The following CNTN4 variants were observed in gnomAD, a reference collection of about 807,000 sequenced individuals.
The protein encoded by CNTN4 is contactin 4.
In CNTN4, 77 loss-of-function variants were observed where a neutral mutation model predicts 122.5. The ratio of observed to expected loss-of-function variants is 0.63; its 90% CI spans 0.52 to 0.76. The LOEUF is 0.76. Ranked by LOEUF, CNTN4 falls within the 30% of genes least tolerant of loss-of-function variation. The probability of loss-of-function intolerance (pLI) is 0.00; values close to 1 mark genes in which losing one functional copy is unlikely to be tolerated. For synonymous variants in CNTN4, 512 were observed against 447.0 expected, an observed-to-expected ratio of 1.15 and a Z score of -1.83; for missense variants, 1,256 against 1,259.1, an observed-to-expected ratio of 1.00 and a Z score of 0.04.
chr3:2,330,589 G>T (rs1356915616), intron 2 of CNTN4, among the ~76,000 whole-genome samples: 2 of 133,116 alleles, frequency 1.5e-5, no homozygotes, highest in African/African-American at 5.4e-5. Context: ...GGAAAAGAGG[G>T]TCAGTATCTT....
intron 15 of CNTN4, among the ~76,000 whole-genome samples, chr3:3,030,287 A>C (rs1699052850): frequency 2.0e-5 from 3 of 152,170 alleles, no homozygotes; most frequent in African/African-American, 7.2e-5. Flanking sequence ...TCAAACATGC[A>C]TTTGGCATTT....
chr3:2,971,849 T>G (rs1472630686), intron 13 of CNTN4, among the ~76,000 whole-genome samples: 1 of 152,178 alleles, frequency 6.6e-6, no homozygotes, highest in Non-Finnish European at 1.5e-5. Flanking sequence ...CATTTGCAAA[T>G]TAGGTTGTAA....
intron 4 of CNTN4, among the ~76,000 whole-genome samples, chr3:2,643,128 C>G (rs181454437): frequency 1.3e-4 from 20 of 152,294 alleles, no homozygotes; most frequent in African/African-American, 4.6e-4. Context: ...GTATTAATCT[C>G]TTCTCAAGTG....
chr3:2,536,753 G>A (rs1372368185), intron 3 of CNTN4, among the ~76,000 whole-genome samples: 1 of 151,912 alleles, frequency 6.6e-6, no homozygotes, highest in Non-Finnish European at 1.5e-5. Flanking sequence ...CAGATATCAA[G>A]GCCTAGCAAT....
chr3:2,652,606 G>A lies in CNTN4; in HGVS notation c.55+81048G>A, dbSNP rs75939353. ...CCTAGAGAAGGTGCCAATGTTTCTA[G>A]GCACACAGGAATAACAAAGAAAACT... On this transcript the variant is annotated intron_variant, in intron 4 of 24. Transcript: ENST00000418658. Among the ~76,000 whole-genome samples, 470 of 152,172 alleles carry A rather than the reference G, an allele frequency of 3.1e-3. 4 individuals are homozygous for A. Among genetic ancestry groups the A allele is most frequent in the African/African-American group, 0.01 (432 of 41,502 alleles).
intron 3 of CNTN4, among the ~76,000 whole-genome samples, chr3:2,438,102 C>G (rs951028817): frequency 6.6e-6 from 1 of 152,210 alleles, no homozygotes; most frequent in African/African-American, 2.4e-5. Context: ...CTATTGACCT[C>G]CGCAAGGTCA....
chr3:2,495,615 G>A (rs1384911260), intron 3 of CNTN4, among the ~76,000 whole-genome samples: 2 of 152,200 alleles, frequency 1.3e-5, no homozygotes, highest in East Asian at 3.9e-4. Context: ...CTCCTATCAG[G>A]TCAGTGGCAG....
intron 6 of CNTN4, among the ~76,000 whole-genome samples, chr3:2,803,292 A>G (rs992614119): frequency 2.6e-5 from 4 of 152,224 alleles, no homozygotes; most frequent in Non-Finnish European, 2.9e-5. Flanking sequence ...TTGAGGAACA[A>G]CAGGAATTCT....
intron 4 of CNTN4, among the ~76,000 whole-genome samples, chr3:2,594,002 T>C (rs2080631977): frequency 6.6e-6 from 1 of 152,206 alleles, no homozygotes; most frequent in South Asian, 2.1e-4. Context: ...TATTTGTGTA[T>C]TCCAAATATG....
intron 7 of CNTN4, among the ~76,000 whole-genome samples, chr3:2,853,434 G>C (rs1188155497): frequency 6.6e-6 from 1 of 152,096 alleles, no homozygotes; most frequent in East Asian, 1.9e-4. Context: ...TAGTAGAGAT[G>C]GAGTTTCACC....
intron 3 of CNTN4, among the ~76,000 whole-genome samples, chr3:2,543,508 G>A (rs931088606): frequency 3.4e-4 from 51 of 152,156 alleles, no homozygotes; most frequent in African/African-American, 1.1e-3. Context: ...GTTTAGCACT[G>A]GACTCTGCTG....
At chr3:2,120,395 ATATATATATATTTTTT>A (rs1444858354) in intron 2 of CNTN4, among the ~76,000 whole-genome samples, 1 of 30,656 alleles carries the variant, frequency 3.3e-5, no homozygotes, top group African/African-American at 9.0e-5. Context: ...ATATATATAT[ATATATATATATTTTTT>A]TTTTTTTTTT....
At chr3:2,568,692 T>C (rs1047808355) in intron 3 of CNTN4, among the ~76,000 whole-genome samples, 14 of 152,310 alleles carry the variant, frequency 9.2e-5, no homozygotes, top group African/African-American at 3.1e-4. Context: ...ATGCTTTGGT[T>C]ACCACTGCCC....
intron 4 of CNTN4, among the ~76,000 whole-genome samples, chr3:2,631,865 C>CAAAAAAAAAAAAAAAA (rs1157671569): frequency 8.6e-5 from 6 of 70,168 alleles, no homozygotes; most frequent in African/African-American, 1.6e-4. Context: ...CGTATCTCTA[C>CAAAAAAAAAAAAAAAA]AAAAAAAAAA....
chr3:2,153,412 C>T (rs913461899), intron 2 of CNTN4, among the ~76,000 whole-genome samples: 3 of 152,132 alleles, frequency 2.0e-5, no homozygotes, highest in African/African-American at 7.2e-5. Flanking sequence ...AGGCAACTGC[C>T]AAGAATTGGT....
At chr3:2,290,618 A>C (rs2042098555) in intron 2 of CNTN4, among the ~76,000 whole-genome samples, 1 of 152,216 alleles carries the variant, frequency 6.6e-6, no homozygotes. Flanking sequence ...CAATTGTCAA[A>C]TCAGAGACAT....
At chr3:2,757,488 C>T (rs1559470861) in intron 6 of CNTN4, among the ~76,000 whole-genome samples, 2 of 152,148 alleles carry the variant, frequency 1.3e-5, no homozygotes, top group Admixed American at 1.3e-4. Flanking sequence ...GAGTGTCTGA[C>T]CTACCTGTGG....
intron 4 of CNTN4, among the ~76,000 whole-genome samples, chr3:2,623,054 T>C (rs2082048894): frequency 6.6e-6 from 1 of 152,200 alleles, no homozygotes; most frequent in Admixed American, 6.5e-5. Context: ...CCATGCTGTG[T>C]TGTGGGGGCA....
chr3:2,612,839 A>G (rs1337690559), intron 4 of CNTN4, among the ~76,000 whole-genome samples: 1 of 152,184 alleles, frequency 6.6e-6, no homozygotes, highest in Non-Finnish European at 1.5e-5. Context: ...ATAGGAGGAT[A>G]TAACAACTTA....
Sources: allele counts gnomAD v4.1 joint callset (sites outside exome capture counted in the v4.1 genomes callset), GRCh38; gene constraint gnomAD v4.1.1; transcripts MANE v1.5; gene names NCBI Gene and HGNC (gene_info 2026-07-23, HGNC 2026-07-21).